HIPK1: variants seen among roughly 807,000 people sequenced by gnomAD.
HIPK1 encodes homeodomain interacting protein kinase 1.
Under a neutral mutation model 117.1 loss-of-function variants are expected in HIPK1, and 28 were observed. The ratio of observed to expected loss-of-function variants is 0.24; its 90% CI spans 0.18 to 0.33. The LOEUF (loss-of-function observed/expected upper bound fraction) is 0.33, where lower values mean the gene tolerates loss of function less well. Among genes scored for constraint, HIPK1 ranks in the 10% least tolerant of loss-of-function variants. HIPK1 has a pLI of 1.00. For synonymous variants in HIPK1, 605 were observed against 562.5 expected (o/e 1.08, Z -1.07); for missense variants, 1,122 against 1,475.1 (o/e 0.76, Z 3.92).
chr1:113,968,019 A>G, intron 12 of HIPK1, 71 bp downstream of exon 12: 28 of 1,356,042 alleles, frequency 2.1e-5, no homozygotes, highest in Non-Finnish European at 2.9e-5. Context: ...CATTTGGAAT[A>G]TTGTATAGAC....
chr1:113,970,179 G>A lies in HIPK1; in HGVS notation c.2995G>A (p.Val999Ile), dbSNP rs1343395090. The change falls in exon 14 of 16, where the codon GTA becomes ATA. Residue 999 changes from valine (V) to isoleucine (I), a missense_variant. Val to Ile is a conservative substitution (Grantham distance 29). This residue lies in a region of HIPK1 where 731 missense variants were observed against 860.4 expected (regional missense o/e 0.85). Coordinates refer to ENST00000426820, the MANE Select transcript of HIPK1 (RefSeq NM_198268.3). The part of the protein sequence containing the change: ...PLKTQLGDCT[V>I]ATQASGLLSN... ...GAAAACTCAGCTTGGTGACTGCACT[G>A]TAGCAACCCAGGCCTCAGGTCAGTG... 1 of 1,614,162 alleles carries A rather than the reference G, an allele frequency of 6.2e-7. No homozygotes were observed. Among genetic ancestry groups the A allele is most frequent in the Non-Finnish European group, 8.5e-7 (1 of 1,180,014 alleles).
At chr1:113,952,183 C>T (rs1435466560) in intron 2 of HIPK1, among the ~76,000 whole-genome samples, 1 of 152,044 alleles carries the variant, frequency 6.6e-6, no homozygotes, top group Non-Finnish European at 1.5e-5. Context: ...AGGTGATCCA[C>T]CCGCTTCGGC....
intron 2 of HIPK1, chr1:113,951,195 CTAT>C: frequency 1.0e-6 from 1 of 970,596 alleles, no homozygotes; most frequent in African/African-American, 1.8e-5. Flanking sequence ...TTAGTGTTAC[CTAT>C]TATTTTCTTT....
chr1:113,947,700 C>G (rs1369471263), intron 2 of HIPK1, among the ~76,000 whole-genome samples: 1 of 152,172 alleles, frequency 6.6e-6, no homozygotes, highest in East Asian at 1.9e-4. Flanking sequence ...GTTGGGGAAT[C>G]AAAAGGCAGG....
chr1:113,963,322 C>G (rs1672242412), intron 9 of HIPK1, 65 bp from the exon 10 acceptor site: 1 of 1,570,422 alleles, frequency 6.4e-7, no homozygotes, highest in Non-Finnish European at 8.7e-7. Flanking sequence ...GGAATGAGAA[C>G]CCTTCTGAAT....
At chr1:113,962,943 A>G (rs1469103848) in intron 9 of HIPK1, among the ~76,000 whole-genome samples, 1 of 152,220 alleles carries the variant, frequency 6.6e-6, no homozygotes, top group Non-Finnish European at 1.5e-5. Flanking sequence ...AGAAAGCTTT[A>G]AAACTTTATA....
rs1010170838 is a variant in HIPK1, at chr1:113,974,102, T to G, written c.*590T>G. On this transcript the variant is annotated 3_prime_UTR_variant, in exon 16 of 16. Coordinates refer to ENST00000426820, the MANE Select transcript of HIPK1 (RefSeq NM_198268.3). The stretch of plus-strand genomic sequence containing the variant: ...GTTTCAGTTTTGTTTTAATGTCATA[T>G]TATACTTAATGGGCAATTGTTATTT... The G allele has an allele frequency of 6.6e-6, 1 of 152,382 alleles. No homozygotes were observed. Among genetic ancestry groups the G allele is most frequent in the Non-Finnish European group, 1.5e-5 (1 of 68,046 alleles). The allele number at this position is 152,382 out of a possible 1,614,324, so 9.4% of individuals were successfully genotyped here.
At position 113,958,119 on chromosome 1, in the gene HIPK1, T is replaced by G; in HGVS notation, c.1809T>G (p.Ala603=). Residue 603 remains alanine, a synonymous_variant, in exon 8 of 16, where the codon GCT becomes GCG. Coordinates refer to ENST00000426820, the MANE Select transcript of HIPK1 (RefSeq NM_198268.3). ...STAAAATLSL[A]NSDVSLLNYQ... is the part of the protein sequence containing the mutation. Reference sequence around the variant, plus strand: ...CAGCAGCTGCTACTCTTTCTCTGGCTAATTCAGATGTCTCACTACTAAACT... The same window carrying G: ...CAGCAGCTGCTACTCTTTCTCTGGCGAATTCAGATGTCTCACTACTAAACT... 1.9e-6 allele frequency: 3 copies of G among 1,614,210 alleles called. No homozygotes were observed. The highest frequency in any genetic ancestry group is 2.5e-6 in the Non-Finnish European group (3 of 1,180,014).
At chr1:113,942,808 T>C (rs1670738165) in intron 2 of HIPK1, among the ~76,000 whole-genome samples, 1 of 152,204 alleles carries the variant, frequency 6.6e-6, no homozygotes. Flanking sequence ...ACTTGCCTAG[T>C]TATTAATTTT....
intron 1 of HIPK1, among the ~76,000 whole-genome samples, chr1:113,939,340 T>G (rs12729894): frequency 0.5 from 69,928 of 141,068 alleles, 18,938 homozygotes; most frequent in East Asian, 0.8. Context: ...TTTTTTTTTT[T>G]TTGTTGTTGT....
chr1:113,942,528 G>A (rs995765352), intron 2 of HIPK1, among the ~76,000 whole-genome samples: 1 of 152,080 alleles, frequency 6.6e-6, no homozygotes, highest in African/African-American at 2.4e-5. Context: ...TTCTTCTGTA[G>A]TAGCATGAAT....
In HIPK1 at chr1:113,971,874, T is replaced by A; in HGVS notation, c.3064T>A (p.Ser1022Thr). The change falls in exon 15 of 16, where the codon TCT (serine) becomes ACT (threonine). Residue 1022 changes from serine (S) to threonine (T), a missense_variant. By Grantham distance (58) the Ser-to-Thr change is moderately conservative. This residue lies in a region of HIPK1 where 731 missense variants were observed against 860.4 expected (regional missense o/e 0.85). Coordinates refer to ENST00000426820, the MANE Select transcript of HIPK1 (RefSeq NM_198268.3). ...KPVASVSGQS[S>T]GCCITPTGYR... is the part of the protein sequence containing the mutation. The stretch of plus-strand genomic sequence containing the variant: ...AGTCGCTTCAGTGAGTGGGCAGTCA[T>A]CTGGATGCTGTATCACCCCCACAGG... The A allele has an allele frequency of 6.2e-7, 1 of 1,601,924 alleles. No individual in the cohort carries two copies. Among genetic ancestry groups the A allele is most frequent in the South Asian group, 1.1e-5 (1 of 88,422 alleles).
intron 14 of HIPK1, among the ~76,000 whole-genome samples, chr1:113,971,099 TGC>T (rs1435177908): frequency 6.6e-6 from 1 of 152,250 alleles, no homozygotes; most frequent in Non-Finnish European, 1.5e-5. Context: ...ATTATCTTAC[TGC>T]CATAGACATA....
intron 5 of HIPK1, among the ~76,000 whole-genome samples, 185 bp from the exon 6 acceptor site, chr1:113,956,442 T>G (rs1474008655): frequency 6.6e-6 from 1 of 152,194 alleles, no homozygotes; most frequent in Non-Finnish European, 1.5e-5. Flanking sequence ...GATGAAGATT[T>G]TAATTAAACA....
chr1:113,958,641 A>G (rs779701545), intron 8 of HIPK1, among the ~76,000 whole-genome samples: 3 of 152,242 alleles, frequency 2.0e-5, no homozygotes, highest in Admixed American at 1.3e-4. Flanking sequence ...TGTTGTAAGC[A>G]GAATTGCTAA....
At chr1:113,953,878 G>A (rs1195229025) in intron 3 of HIPK1, 1 of 152,086 alleles carries the variant, frequency 6.6e-6, no homozygotes, top group African/African-American at 2.4e-5. Context: ...TGAGGGTAGA[G>A]ATTGTTTCAC....
Position 113,943,474 on chromosome 1 carries a change from A to G in HIPK1, c.1076+2015A>G, listed in dbSNP as rs112010855. On this transcript the variant is annotated intron_variant, in intron 2 of 15. Transcript: ENST00000426820. ...CATGTATCAGAACTTCATTCCTTTTATGGCTGTATAATATTCCATTGTTTG... is the reference window on the plus strand; with the variant it reads ...CATGTATCAGAACTTCATTCCTTTTGTGGCTGTATAATATTCCATTGTTTG... Among the ~76,000 whole-genome samples, 124 of 152,246 alleles carry G rather than the reference A, an allele frequency of 8.1e-4. 1 individual carries two copies. Among genetic ancestry groups the G allele is most frequent in the African/African-American group, 2.9e-3 (120 of 41,538 alleles).
intron 2 of HIPK1, 38 bp from the exon 3 acceptor site, chr1:113,952,728 T>G (rs748219059): frequency 2.4e-5 from 31 of 1,309,884 alleles, no homozygotes; most frequent in Non-Finnish European, 3.0e-5. Flanking sequence ...CAAATAATGT[T>G]TTTTTTTTTT....
intron 9 of HIPK1, among the ~76,000 whole-genome samples, chr1:113,963,089 C>CT (rs1486301778): frequency 2.6e-5 from 4 of 152,094 alleles, no homozygotes; most frequent in Non-Finnish European, 4.4e-5. Flanking sequence ...TCCAAAAACT[C>CT]TATTTTGTGA....
Sources: gnomAD v4.1 joint callset for allele counts (sites outside exome capture counted in the v4.1 genomes callset) on GRCh38, gnomAD v4.1.1 for gene constraint, gnomAD v4.1.1 regional missense constraint, MANE v1.5 for transcripts, NCBI Gene and HGNC (gene_info 2026-07-23, HGNC 2026-07-21) for gene names.